Variants in SGCZ observed in about 807,000 individuals in gnomAD.
The protein encoded by SGCZ is zeta-sarcoglycan.
A neutral mutation model predicts 41.3 loss-of-function variants in SGCZ; 40 were observed. The ratio of observed to expected loss-of-function variants is 0.97; its 90% CI spans 0.75 to 1.26. SGCZ has a LOEUF of 1.26. Among genes scored for constraint, SGCZ ranks in the 50% most tolerant of loss-of-function variants. The pLI, the probability that SGCZ is intolerant of heterozygous loss-of-function variation, is 0.00. For synonymous variants in SGCZ, 206 were observed against 137.5 expected (o/e 1.50, Z -3.49); for missense variants, 552 against 369.8 (o/e 1.49, Z -4.04).
chr8:14,952,537 G>C (rs1337517869), intron 1 of SGCZ, among the ~76,000 whole-genome samples: 3 of 152,074 alleles, frequency 2.0e-5, no homozygotes, highest in Non-Finnish European at 2.9e-5. Flanking sequence ...TGATAAATTT[G>C]CATTAATTTT....
chr8:14,551,472 ATT>A (rs72451523), intron 2 of SGCZ, among the ~76,000 whole-genome samples: 634 of 18,474 alleles, frequency 0.034, 49 homozygotes, highest in East Asian at 0.086. Flanking sequence ...TATTATATAT[ATT>A]ATATATTATA....
chr8:14,739,221 G>A (rs376413133), intron 1 of SGCZ, among the ~76,000 whole-genome samples: 7 of 151,750 alleles, frequency 4.6e-5, no homozygotes, highest in African/African-American at 1.7e-4. Context: ...TATGATAAAG[G>A]GCTGGTTCAT....
chr8:14,477,118 CTA>C (rs529644263), intron 2 of SGCZ, among the ~76,000 whole-genome samples: 1 of 152,124 alleles, frequency 6.6e-6, no homozygotes, highest in Non-Finnish European at 1.5e-5. Flanking sequence ...CAAATTCACT[CTA>C]TGTGTCTTTT....
At chr8:14,806,782 A>C (rs1801544659) in intron 1 of SGCZ, among the ~76,000 whole-genome samples, 1 of 152,170 alleles carries the variant, frequency 6.6e-6, no homozygotes. Context: ...CAACCAAAAA[A>C]GAGAATTTTA....
intron 3 of SGCZ, among the ~76,000 whole-genome samples, chr8:14,272,233 A>G (rs187927639): frequency 6.6e-6 from 1 of 152,214 alleles, no homozygotes; most frequent in Non-Finnish European, 1.5e-5. Flanking sequence ...CTAACTCCTG[A>G]CCCCAAGGAA....
At chr8:14,511,517 C>T (rs1387202816) in intron 2 of SGCZ, among the ~76,000 whole-genome samples, 2 of 151,482 alleles carry the variant, frequency 1.3e-5, no homozygotes, top group African/African-American at 4.8e-5. Context: ...AGAAGGTTGG[C>T]CAGTGAGAGA....
intron 2 of SGCZ, among the ~76,000 whole-genome samples, chr8:14,392,867 C>A (rs7827012): frequency 0.17 from 25,517 of 151,930 alleles, 5,012 homozygotes; most frequent in African/African-American, 0.48. Context: ...TATTTGTTAT[C>A]TTTATGTTCT....
At chr8:14,915,853 C>G (rs979671502) in intron 1 of SGCZ, among the ~76,000 whole-genome samples, 13 of 152,156 alleles carry the variant, frequency 8.5e-5, no homozygotes, top group African/African-American at 3.1e-4. Context: ...CCACATGTGT[C>G]TGCGTCCTGA....
chr8:14,754,706 A>G (rs1019711513), intron 1 of SGCZ, among the ~76,000 whole-genome samples: 6 of 152,084 alleles, frequency 3.9e-5, no homozygotes, highest in African/African-American at 1.2e-4. Context: ...GCATCTCTCA[A>G]TATAGTTTGT....
At chr8:14,104,303 A>G (rs1438583847) in intron 6 of SGCZ, among the ~76,000 whole-genome samples, 1 of 152,150 alleles carries the variant, frequency 6.6e-6, no homozygotes, top group African/African-American at 2.4e-5. Context: ...GGTACCTGGG[A>G]TTATGGCAGA....
At chr8:14,164,414 C>T (rs1804142549) in intron 5 of SGCZ, among the ~76,000 whole-genome samples, 166 bp downstream of exon 5, 1 of 152,166 alleles carries the variant, frequency 6.6e-6, no homozygotes, top group Non-Finnish European at 1.5e-5. Context: ...TTTTCTACAA[C>T]CACAACCAGT....
intron 1 of SGCZ, among the ~76,000 whole-genome samples, chr8:14,922,157 C>T (rs1053316941): frequency 1.3e-5 from 2 of 151,894 alleles, no homozygotes; most frequent in Non-Finnish European, 2.9e-5. Flanking sequence ...AGGGAACCAG[C>T]TGTGTAAAAG....
intron 1 of SGCZ, among the ~76,000 whole-genome samples, chr8:14,710,989 T>A (rs1585200543): frequency 6.6e-6 from 1 of 152,174 alleles, no homozygotes; most frequent in East Asian, 1.9e-4. Flanking sequence ...ATATCTTCAC[T>A]AGCATTGTTT....
intron 1 of SGCZ, among the ~76,000 whole-genome samples, chr8:14,776,882 A>T (rs1239020763): frequency 6.6e-6 from 1 of 152,222 alleles, no homozygotes; most frequent in Non-Finnish European, 1.5e-5. Context: ...ATTAAATACC[A>T]GGTTATAGAC....
At chr8:14,986,527 A>C (rs1377994910) in intron 1 of SGCZ, among the ~76,000 whole-genome samples, 1 of 152,090 alleles carries the variant, frequency 6.6e-6, no homozygotes, top group African/African-American at 2.4e-5. Context: ...AAAGTATTTG[A>C]TCTTAGGTAA....
intron 1 of SGCZ, among the ~76,000 whole-genome samples, chr8:14,982,352 C>G (rs559689944): frequency 1.3e-5 from 2 of 152,206 alleles, no homozygotes; most frequent in East Asian, 3.9e-4. Flanking sequence ...CTTTATGATT[C>G]GTTCGTTGTG....
chr8:14,166,788 A>AAAAT (rs142121728), intron 4 of SGCZ, among the ~76,000 whole-genome samples: 3,749 of 152,260 alleles, frequency 0.025, 154 homozygotes, highest in African/African-American at 0.084. Context: ...AACTGTTAGA[A>AAAAT]AAATAAGTGG....
intron 1 of SGCZ, among the ~76,000 whole-genome samples, chr8:14,556,602 C>T (rs1402275050): frequency 6.6e-6 from 1 of 151,950 alleles, no homozygotes; most frequent in African/African-American, 2.4e-5. Flanking sequence ...CACCATTTCC[C>T]CCTGAGTGCC....
At chr8:14,239,608 G>T (rs1302746622) in intron 3 of SGCZ, among the ~76,000 whole-genome samples, 1 of 152,006 alleles carries the variant, frequency 6.6e-6, no homozygotes, top group Non-Finnish European at 1.5e-5. Flanking sequence ...ATAATTTATA[G>T]ACTATGTAAG....
Sources: allele counts gnomAD v4.1 joint callset (sites outside exome capture counted in the v4.1 genomes callset), GRCh38; gene constraint gnomAD v4.1.1; transcripts MANE v1.5; gene names NCBI Gene and HGNC (gene_info 2026-07-23, HGNC 2026-07-21).